Variants in SCN8A observed in about 807,000 individuals in gnomAD.
SCN8A encodes sodium voltage-gated channel alpha subunit 8.
In SCN8A, 30 loss-of-function variants were observed where a neutral mutation model predicts 184.1. The ratio of observed to expected loss-of-function variants is 0.16; its 90% CI spans 0.12 to 0.22. The LOEUF is 0.22. Ranked by LOEUF, SCN8A falls within the 10% of genes least tolerant of loss-of-function variation. The pLI, the probability that SCN8A is intolerant of heterozygous loss-of-function variation, is 1.00. For synonymous variants in SCN8A, 852 were observed against 907.0 expected (o/e 0.94, Z 1.09); for missense variants, 1,057 against 2,498.9 (o/e 0.42, Z 12.30).
intron 26 of SCN8A, among the ~76,000 whole-genome samples, chr12:51,799,309 C>T (rs1938493215): frequency 6.6e-6 from 1 of 152,180 alleles, no homozygotes; most frequent in Admixed American, 6.5e-5. Context: ...TGGAATGCTG[C>T]TGTGCGCACC....
chr12:51,752,482 G>A (rs1016295050), intron 14 of SCN8A, among the ~76,000 whole-genome samples: 1 of 151,996 alleles, frequency 6.6e-6, no homozygotes. Flanking sequence ...TATACTATTA[G>A]AGCACTACAA....
intron 1 of SCN8A, among the ~76,000 whole-genome samples, chr12:51,659,151 A>AACT (rs1322478912): frequency 1.3e-5 from 2 of 152,242 alleles, no homozygotes; most frequent in East Asian, 3.8e-4. Flanking sequence ...ATGCAGAATG[A>AACT]ACTACTGCTA....
chr12:51,754,792 T>C (rs1942648960), intron 14 of SCN8A, among the ~76,000 whole-genome samples: 1 of 152,220 alleles, frequency 6.6e-6, no homozygotes, highest in African/African-American at 2.4e-5. Flanking sequence ...TGCTTCCTTA[T>C]GATTAGATGC....
chr12:51,776,819 A>C (rs2138883562), intron 20 of SCN8A, among the ~76,000 whole-genome samples: 1 of 152,306 alleles, frequency 6.6e-6, no homozygotes, highest in East Asian at 1.9e-4. Context: ...TTGATGTCTG[A>C]GTCTGTTACT....
chr12:51,719,935 G>A (rs879466691), intron 11 of SCN8A, among the ~76,000 whole-genome samples: 1,830 of 103,626 alleles, frequency 0.018, no homozygotes, highest in South Asian at 0.026. Context: ...AATTAGCCGG[G>A]CGTGGTAGCG....
intron 1 of SCN8A, among the ~76,000 whole-genome samples, chr12:51,608,106 C>T (rs60293901): frequency 0.027 from 4,047 of 150,730 alleles, 62 homozygotes; most frequent in African/African-American, 0.048. Flanking sequence ...CTGCAAGCTC[C>T]GCCTCCCGGG....
chr12:51,636,634 A>G (rs992861272), intron 1 of SCN8A, among the ~76,000 whole-genome samples: 1 of 152,236 alleles, frequency 6.6e-6, no homozygotes. Context: ...TTTAAGAGAT[A>G]TTAAAATCAA....
At chr12:51,747,464 G>T (rs1389910478) in intron 13 of SCN8A, among the ~76,000 whole-genome samples, 1 of 152,092 alleles carries the variant, frequency 6.6e-6, no homozygotes, top group Non-Finnish European at 1.5e-5. Flanking sequence ...TTCACATAGA[G>T]ACCAAGACAG....
Position 51,769,086 on chromosome 12 carries a change from G to T in SCN8A, c.3123G>T (p.Lys1041Asn), listed in dbSNP as rs777192592. 9 of 1,613,896 alleles carry T rather than the reference G, an allele frequency of 5.6e-6. No homozygotes were observed. In the South Asian group the frequency reaches 9.9e-5, roughly 18 times the overall value. ...CTCTGGATGAGTTGTATGAAAAGAA[G>T]GCCAACTGTATCGCCAATCACACCG... ...VKPLDELYEK[K>N]ANCIANHTGA... The change falls in exon 17 of 27, where the codon AAG (lysine) becomes AAT (asparagine). Residue 1041 changes from lysine (K) to asparagine (N), a missense_variant. Lys to Asn is a moderately conservative substitution (Grantham distance 94, BLOSUM62 0). This residue lies in a region of SCN8A where 178 missense variants were observed against 259.6 expected (regional missense o/e 0.69). Transcript: ENST00000627620.
chr12:51,621,236 T>G (rs1939955556), intron 1 of SCN8A, among the ~76,000 whole-genome samples: 1 of 152,234 alleles, frequency 6.6e-6, no homozygotes, highest in African/African-American at 2.4e-5. Flanking sequence ...CATCTCTGCT[T>G]AGTATATAAA....
intron 2 of SCN8A, among the ~76,000 whole-genome samples, chr12:51,670,606 T>C (rs1941113448): frequency 6.6e-6 from 1 of 152,048 alleles, no homozygotes; most frequent in Admixed American, 6.6e-5. Context: ...GGTTCTGGAA[T>C]GGGAGTAAGG....
At chr12:51,677,213 A>T (rs1259920970) in intron 2 of SCN8A, among the ~76,000 whole-genome samples, 1 of 151,904 alleles carries the variant, frequency 6.6e-6, no homozygotes, top group African/African-American at 2.4e-5. Context: ...CTTCCTAAGT[A>T]AGCTGGGTCT....
At chr12:51,604,908 A>G (rs1156723289) in intron 1 of SCN8A, among the ~76,000 whole-genome samples, 2 of 151,982 alleles carry the variant, frequency 1.3e-5, no homozygotes, top group African/African-American at 4.8e-5. Flanking sequence ...TAGATTACAT[A>G]TCACTGGGGT....
At chr12:51,796,083 A>C (rs1938398936) in intron 26 of SCN8A, among the ~76,000 whole-genome samples, 1 of 56,172 alleles carries the variant, frequency 1.8e-5, no homozygotes, top group Non-Finnish European at 3.9e-5. Context: ...ATAGCATCCC[A>C]CCTTTATTAG....
rs1457348067 is a variant in SCN8A, at chr12:51,788,812, A to G, written c.4281+64A>G. On this transcript the variant is annotated intron_variant, in intron 23 of 26. Transcript: ENST00000627620. ...GGCTGGAAAGCAAGCAGCATGGTATACCGAGCCCACCAAGAAAGAGGAAGG... is the reference window on the plus strand; with the variant it reads ...GGCTGGAAAGCAAGCAGCATGGTATGCCGAGCCCACCAAGAAAGAGGAAGG... 3 of 1,393,074 alleles carry G rather than the reference A, an allele frequency of 2.2e-6. No individual in the cohort carries two copies. In the East Asian group the frequency reaches 7.2e-5, roughly 34 times the overall value. The allele number at this position is 1,393,074 out of a possible 1,614,324, so 86.3% of individuals were successfully genotyped here. A position where few individuals can be genotyped will look rare whatever the true frequency, so the allele number is the denominator to read the frequency against.
chr12:51,687,262 T>C (rs1301513242), intron 5 of SCN8A, 43 bp downstream of exon 5: 1 of 1,609,110 alleles, frequency 6.2e-7, no homozygotes, highest in Non-Finnish European at 8.5e-7. Flanking sequence ...GGTGTGATTC[T>C]GTGTGTGGAG....
In SCN8A at chr12:51,721,671, G is replaced by A. The variant is rs762063323; in HGVS notation, c.1761G>A (p.Glu587=). Residue 587 remains glutamate, a synonymous_variant, in exon 12 of 27, where the codon GAG becomes GAA. Coordinates refer to ENST00000627620, the MANE Select transcript of SCN8A (RefSeq NM_001330260.2). The part of the protein sequence containing the change: ...PGSENEFADD[E]HSTVEESEGR... Reference sequence around the variant, plus strand: ...CCGAGAATGAGTTCGCGGATGACGAGCACAGCACGGTGGAGGAGAGCGAGG... The same window carrying A: ...CCGAGAATGAGTTCGCGGATGACGAACACAGCACGGTGGAGGAGAGCGAGG... 3 of 1,602,142 alleles carry A rather than the reference G, an allele frequency of 1.9e-6. No homozygotes were observed. In the East Asian group the frequency reaches 6.8e-5, roughly 36 times the overall value.
At chr12:51,724,886 T>G (rs1942132402) in intron 12 of SCN8A, among the ~76,000 whole-genome samples, 1 of 152,134 alleles carries the variant, frequency 6.6e-6, no homozygotes. Context: ...TGTTACACTG[T>G]GTGGGAGAAA....
chr12:51,648,850 A>G (rs924956598), intron 1 of SCN8A, among the ~76,000 whole-genome samples: 2 of 152,082 alleles, frequency 1.3e-5, no homozygotes, highest in African/African-American at 4.8e-5. Context: ...TTCAAAACCA[A>G]TCATGCCTTC....
Sources: allele counts gnomAD v4.1 joint callset (sites outside exome capture counted in the v4.1 genomes callset), GRCh38; gene constraint gnomAD v4.1.1; regional missense constraint gnomAD v4.1.1; transcripts MANE v1.5; gene names NCBI Gene and HGNC (gene_info 2026-07-23, HGNC 2026-07-21).